The following FHIP2B variants were observed in gnomAD, a reference collection of about 807,000 sequenced individuals.
The protein encoded by FHIP2B is FHF complex subunit HOOK-interacting protein 2B.
FHIP2B carries 72 observed loss-of-function variants against 84.0 expected under a neutral mutation model. That is an observed-to-expected ratio of 0.86 (90% confidence interval 0.71 to 1.04). The LOEUF (loss-of-function observed/expected upper bound fraction) is 1.04. Ranked by LOEUF, FHIP2B falls within the 50% of genes least tolerant of loss-of-function variation. The probability of loss-of-function intolerance (pLI) is 0.00; values close to 1 mark genes in which losing one functional copy is unlikely to be tolerated. For missense variants in FHIP2B, 972 were observed against 968.9 expected, an observed-to-expected ratio of 1.00 and a Z score of -0.04; for synonymous variants, 497 against 418.7, an observed-to-expected ratio of 1.19 and a Z score of -2.28.
At chr8:22,093,985 G>A (rs1194567425) in intron 1 of FHIP2B, among the ~76,000 whole-genome samples, 1 of 152,056 alleles carries the variant, frequency 6.6e-6, no homozygotes, top group Non-Finnish European at 1.5e-5. Flanking sequence ...ACAAACTGTT[G>A]GGCTTACAGG....
intron 1 of FHIP2B, among the ~76,000 whole-genome samples, chr8:22,091,240 CTTTTTTTT>C (rs71204535): frequency 8.5e-6 from 1 of 117,710 alleles, no homozygotes; most frequent in African/African-American, 3.1e-5. Context: ...ATCATTACAG[CTTTTTTTT>C]TTTTTTTTTT....
At chr8:22,089,714 T>C (rs1336189453) in intron 1 of FHIP2B, 21 of 1,212,518 alleles carry the variant, frequency 1.7e-5, no homozygotes, top group Non-Finnish European at 2.3e-5. Flanking sequence ...CCGCCTCGCC[T>C]GGGCTTGAAA....
chr8:22,100,018 A>C, intron 10 of FHIP2B, 125 bp downstream of exon 10: 2 of 962,862 alleles, frequency 2.1e-6, no homozygotes, highest in Non-Finnish European at 1.4e-6. Flanking sequence ...ACTGCAAAAC[A>C]CTGCCGAGCC....
At position 22,104,127 on chromosome 8, in the gene FHIP2B, G is replaced by C. The variant is rs1384068097; in HGVS notation, c.*1196G>C. 1 of 152,430 alleles carries C rather than the reference G, an allele frequency of 6.6e-6. No homozygotes were observed. Among genetic ancestry groups the C allele is most frequent in the East Asian group, 1.9e-4 (1 of 5,176 alleles). The allele number at this position is 152,430 out of a possible 1,614,324, so 9.4% of individuals were successfully genotyped here. ...AACAGGAGGAAACTCAGTGACCTCT[G>C]CCTCTCCCACATTCCTCCCCGCGGG... is the stretch of plus-strand genomic sequence containing the variant. On this transcript the variant is annotated 3_prime_UTR_variant, in exon 17 of 17. Transcript: ENST00000289921.
chr8:22,098,731 C>A (rs904595392), intron 7 of FHIP2B, 112 bp downstream of exon 7: 6 of 1,171,096 alleles, frequency 5.1e-6, no homozygotes, highest in Admixed American at 2.6e-5. Flanking sequence ...CCCTGCTGGC[C>A]ACCCTCTCCC....
At position 22,102,549 on chromosome 8, in the gene FHIP2B, A is replaced by T; in HGVS notation, c.2014A>T (p.Arg672Ter). 1 of 1,560,136 alleles carries T rather than the reference A, an allele frequency of 6.4e-7. No homozygotes were observed. The highest frequency in any genetic ancestry group is 1.7e-4 in the Middle Eastern group (1 of 5,996). ...GTAGGTGATCGGGGACTTGATGCAGAGAATCCAGAGGGTACCCCAGTTCCC... is the reference window on the plus strand; with the variant it reads ...GTAGGTGATCGGGGACTTGATGCAGTGAATCCAGAGGGTACCCCAGTTCCC... ...LVRVIGDLMQ[R>*]IQRVPQFPGK... The change falls in exon 16 of 17, where the codon AGA (arginine) becomes TGA (stop). Residue 672 changes from arginine (R) to a stop codon, truncating the protein, a stop_gained. Transcript: ENST00000289921. LOFTEE classifies it high-confidence loss of function.
intron 1 of FHIP2B, among the ~76,000 whole-genome samples, chr8:22,089,511 C>A (rs1246550174): frequency 6.6e-6 from 1 of 150,486 alleles, no homozygotes; most frequent in Non-Finnish European, 1.5e-5. Context: ...TCCTCCCGAC[C>A]GCCCCACCTC....
At chr8:22,092,562 A>ACT (rs1196930913) in intron 1 of FHIP2B, among the ~76,000 whole-genome samples, 1 of 55,112 alleles carries the variant, frequency 1.8e-5, no homozygotes, top group African/African-American at 7.5e-5. Flanking sequence ...TGACGGTGAG[A>ACT]CTCTTTTTTT....
intron 15 of FHIP2B, 25 bp downstream of exon 15, chr8:22,102,340 G>C (rs115648974): frequency 6.2e-7 from 1 of 1,609,690 alleles, no homozygotes; most frequent in Middle Eastern, 1.7e-4. Flanking sequence ...GCCCAAGGGA[G>C]TGTGCCTAGT....
chr8:22,101,614 GC>G, intron 13 of FHIP2B, 84 bp downstream of exon 13: 1 of 1,557,620 alleles, frequency 6.4e-7, no homozygotes, highest in Admixed American at 1.8e-5. Flanking sequence ...TCTCTCATCT[GC>G]CCAAGGACCC....
Position 22,100,720 on chromosome 8 carries a change from G to A in FHIP2B, c.1468G>A (p.Glu490Lys). The change falls in exon 11 of 17, where the codon GAG becomes AAG. Residue 490 changes from glutamate to lysine, a missense_variant. Glu to Lys is a moderately conservative substitution (Grantham distance 56). Transcript: ENST00000289921. ...PYVAWGSPEP[E>K]SYEDTLDLEE... ...CGTGGCCTGGGGCTCACCAGAGCCT[G>A]AGAGCTATGAGGACACCCTGTAAGT... 1 of 1,603,316 alleles carries A rather than the reference G, an allele frequency of 6.2e-7. No individual in the cohort carries two copies. Among genetic ancestry groups the A allele is most frequent in the Non-Finnish European group, 8.5e-7 (1 of 1,173,690 alleles).
chr8:22,094,381 G>C, intron 1 of FHIP2B, 59 bp from the exon 2 acceptor site: 1 of 1,511,748 alleles, frequency 6.6e-7, no homozygotes, highest in Non-Finnish European at 8.9e-7. Context: ...GTTCCCATGC[G>C]GGCAGGGGCT....
chr8:22,096,768 G>C (rs566223171), intron 3 of FHIP2B: 9 of 429,636 alleles, frequency 2.1e-5, no homozygotes, highest in Non-Finnish European at 3.3e-5. Context: ...CGGGCACTGT[G>C]GCTGTCTCAC....
rs1468718972 is a variant in FHIP2B, at chr8:22,096,379, T to C, written c.167T>C (p.Leu56Pro). ...PAKKTDIPWR[L>P]KQMLDILVYE... ...AAGAAGACAGACATTCCCTGGCGGC[T>C]GAAGCAGATGCTGGATATCCTGGTG... The change falls in exon 3 of 17, where the codon CTG (leucine) becomes CCG (proline). Residue 56 changes from leucine to proline, a missense_variant. Physicochemically the swap from Leu to Pro is moderately conservative, Grantham distance 98. Transcript: ENST00000289921. The C allele has an allele frequency of 1.9e-6, 3 of 1,559,468 alleles. No individual in the cohort carries two copies. Among genetic ancestry groups the C allele is most frequent in the East Asian group, 4.8e-5 (2 of 41,682 alleles).
rs1430467900 is a variant in FHIP2B, at chr8:22,100,620, T to G, written c.1368T>G (p.Phe456Leu). The G allele has an allele frequency of 6.3e-7, 1 of 1,581,880 alleles. No homozygotes were observed. Among genetic ancestry groups the G allele is most frequent in the Non-Finnish European group, 8.6e-7 (1 of 1,164,192 alleles). ...DEISITTLRL[F>L]EELLQKPHEG... ...TCAGCATCACCACACTCCGGCTGTT[T>G]GAGGAGCTGCTGCAGAAGCCCCACG... Residue 456 changes from phenylalanine (F) to leucine (L), a missense_variant, in exon 11 of 17, where the codon TTT (phenylalanine) becomes TTG (leucine). Phe to Leu is a conservative substitution (Grantham distance 22). Transcript: ENST00000289921.
chr8:22,092,840 CCT>C (rs1277510344), intron 1 of FHIP2B, among the ~76,000 whole-genome samples: 1 of 152,116 alleles, frequency 6.6e-6, no homozygotes, highest in Non-Finnish European at 1.5e-5. Flanking sequence ...AGAAGTTACC[CCT>C]GTTTTTCTGA....
At chr8:22,102,153 T>C in intron 14 of FHIP2B, 22 bp from the exon 15 acceptor site, 2 of 1,613,208 alleles carry the variant, frequency 1.2e-6, no homozygotes, top group Non-Finnish European at 1.7e-6. Context: ...AGCCCTCGGC[T>C]CTGTCCACCA....
intron 3 of FHIP2B, chr8:22,097,041 C>G (rs920205582): frequency 5.5e-6 from 1 of 181,164 alleles, no homozygotes; most frequent in Non-Finnish European, 1.2e-5. Context: ...AAGACACTGT[C>G]TCTTAAAAAA....
At chr8:22,101,368 G>A in intron 12 of FHIP2B, 72 bp from the exon 13 acceptor site, 1 of 1,278,820 alleles carries the variant, frequency 7.8e-7, no homozygotes, top group Non-Finnish European at 1.1e-6. Context: ...GTCAGGGAGG[G>A]AGATGGGGTC....
Sources: gnomAD v4.1 joint callset for allele counts (sites outside exome capture counted in the v4.1 genomes callset) on GRCh38, gnomAD v4.1.1 for gene constraint, MANE v1.5 for transcripts, NCBI Gene and HGNC (gene_info 2026-07-23, HGNC 2026-07-21) for gene names.